Variants in CNTNAP2 observed in about 807,000 individuals in gnomAD.
CNTNAP2 encodes contactin associated protein 2.
Under a neutral mutation model 155.2 loss-of-function variants are expected in CNTNAP2, and 98 were observed. The ratio of observed to expected loss-of-function variants is 0.63; its 90% CI spans 0.54 to 0.75. The LOEUF (loss-of-function observed/expected upper bound fraction) is 0.75. Ranked by LOEUF, CNTNAP2 falls within the 30% of genes least tolerant of loss-of-function variation. The probability of loss-of-function intolerance (pLI) is 0.00; values close to 1 mark genes in which losing one functional copy is unlikely to be tolerated. For synonymous variants in CNTNAP2, 651 were observed against 631.2 expected (o/e 1.03, Z -0.47); for missense variants, 1,727 against 1,688.1 (o/e 1.02, Z -0.40).
At chr7:146,919,947 C>CTTCCTCCTATCTGCCAATT (rs905557473) in intron 3 of CNTNAP2, among the ~76,000 whole-genome samples, 2 of 152,186 alleles carry the variant, frequency 1.3e-5, no homozygotes, top group African/African-American at 4.8e-5. Context: ...CAAGTTGGTC[C>CTTCCTCCTATCTGCCAATT]TTCCTCCTAT....
At chr7:147,267,961 G>C (rs1049827154) in intron 8 of CNTNAP2, among the ~76,000 whole-genome samples, 1 of 152,136 alleles carries the variant, frequency 6.6e-6, no homozygotes, top group Non-Finnish European at 1.5e-5. Context: ...AATGGTGTTT[G>C]TGGTTGTGGT....
chr7:147,914,432 C>A (rs541180398), intron 14 of CNTNAP2, among the ~76,000 whole-genome samples: 3 of 150,142 alleles, frequency 2.0e-5, no homozygotes, highest in African/African-American at 4.9e-5. Context: ...CCCAGCCACT[C>A]GGGAGGCTGA....
intron 9 of CNTNAP2, among the ~76,000 whole-genome samples, chr7:147,351,233 AG>A (rs1260887871): frequency 6.6e-6 from 1 of 151,822 alleles, no homozygotes; most frequent in Non-Finnish European, 1.5e-5. Flanking sequence ...TTATGATTTG[AG>A]TGCTAGATTA....
rs145602522 is a variant in CNTNAP2 at position 147,009,840 on chromosome 7, C to T, written c.403-34067C>T. Reference sequence around the variant, plus strand: ...ATGTTTCAACAAAATCAGTCAGATTCTTTAGAAGCTACACAGTTTTCACAG... The same window carrying T: ...ATGTTTCAACAAAATCAGTCAGATTTTTTAGAAGCTACACAGTTTTCACAG... On this transcript the variant is annotated intron_variant, in intron 3 of 23. Transcript: ENST00000361727. Among the ~76,000 whole-genome samples, 545 of 152,034 alleles carry T rather than the reference C, an allele frequency of 3.6e-3. 9 individuals carry two copies. Among genetic ancestry groups the T allele is most frequent in the African/African-American group, 0.012 (511 of 41,488 alleles).
intron 21 of CNTNAP2, among the ~76,000 whole-genome samples, chr7:148,368,025 C>A (rs938181892): frequency 6.6e-6 from 1 of 152,148 alleles, no homozygotes; most frequent in Non-Finnish European, 1.5e-5. Flanking sequence ...TCAGATAGAG[C>A]CCCTCATCTT....
chr7:148,307,900 G>C (rs1797517283), intron 21 of CNTNAP2, among the ~76,000 whole-genome samples: 1 of 152,148 alleles, frequency 6.6e-6, no homozygotes, highest in Non-Finnish European at 1.5e-5. Flanking sequence ...TTGAGCCTGG[G>C]AGATGGAGGT....
intron 14 of CNTNAP2, among the ~76,000 whole-genome samples, chr7:147,925,650 T>A (rs2708251): frequency 0.66 from 100,845 of 151,816 alleles, 34,902 homozygotes; most frequent in African/African-American, 0.84. Flanking sequence ...TTTAGTAGAG[T>A]TGGGGTTTCA....
intron 8 of CNTNAP2, among the ~76,000 whole-genome samples, chr7:147,172,398 T>C (rs1352920105): frequency 6.6e-6 from 1 of 152,204 alleles, no homozygotes; most frequent in Non-Finnish European, 1.5e-5. Context: ...TAATGCATTA[T>C]GCATTCTCTT....
At chr7:147,865,343 A>G (rs34262158) in intron 13 of CNTNAP2, among the ~76,000 whole-genome samples, 90,016 of 151,622 alleles carry the variant, frequency 0.59, 26,962 homozygotes, top group South Asian at 0.7. Flanking sequence ...ATTTTATTGA[A>G]GATTTCCCCA....
At chr7:148,242,632 A>G (rs140473136) in intron 20 of CNTNAP2, among the ~76,000 whole-genome samples, 318 of 152,358 alleles carry the variant, frequency 2.1e-3, no homozygotes, top group African/African-American at 6.9e-3. Context: ...TTACTTATAG[A>G]AATGGAAGCT....
chr7:147,442,340 G>A (rs1797656339), intron 10 of CNTNAP2, among the ~76,000 whole-genome samples: 1 of 152,126 alleles, frequency 6.6e-6, no homozygotes, highest in African/African-American at 2.4e-5. Context: ...TTCCATTGAG[G>A]TCCAAGGACT....
At chr7:146,371,644 T>C (rs968148504) in intron 1 of CNTNAP2, among the ~76,000 whole-genome samples, 1 of 151,944 alleles carries the variant, frequency 6.6e-6, no homozygotes, top group African/African-American at 2.4e-5. Flanking sequence ...TATTAGTTCT[T>C]TTGTGTCATT....
chr7:146,581,520 T>C (rs764421221), intron 1 of CNTNAP2, among the ~76,000 whole-genome samples: 1 of 152,014 alleles, frequency 6.6e-6, no homozygotes, highest in Non-Finnish European at 1.5e-5. Context: ...AAGTGACCTA[T>C]GCTGAGAGAA....
intron 13 of CNTNAP2, among the ~76,000 whole-genome samples, chr7:147,756,363 C>G (rs1305668794): frequency 6.6e-6 from 1 of 152,100 alleles, no homozygotes; most frequent in African/African-American, 2.4e-5. Context: ...TGTAGTTACT[C>G]TTTGGTATTT....
chr7:147,770,337 G>C (rs554785622), intron 13 of CNTNAP2, among the ~76,000 whole-genome samples: 9 of 152,234 alleles, frequency 5.9e-5, no homozygotes, highest in Admixed American at 3.3e-4. Flanking sequence ...TGCACCATAG[G>C]TTTCCCTCTA....
intron 8 of CNTNAP2, among the ~76,000 whole-genome samples, chr7:147,229,930 A>G (rs1386173640): frequency 2.6e-5 from 4 of 152,208 alleles, no homozygotes; most frequent in Non-Finnish European, 2.9e-5. Context: ...TATTAAATAT[A>G]AATTCTGCTA....
intron 1 of CNTNAP2, among the ~76,000 whole-genome samples, chr7:146,539,574 G>T (rs1797920523): frequency 6.6e-6 from 1 of 151,966 alleles, no homozygotes; most frequent in Non-Finnish European, 1.5e-5. Context: ...AGGTGGGAAA[G>T]AAAACAGGAC....
intron 12 of CNTNAP2, among the ~76,000 whole-genome samples, chr7:147,604,373 A>C (rs1428454679): frequency 6.6e-6 from 1 of 152,192 alleles, no homozygotes; most frequent in East Asian, 1.9e-4. Context: ...AAACAAATTT[A>C]CAAGAAAAAA....
chr7:148,160,276 A>G (rs991619734), intron 17 of CNTNAP2, among the ~76,000 whole-genome samples: 1 of 151,450 alleles, frequency 6.6e-6, no homozygotes, highest in Non-Finnish European at 1.5e-5. Flanking sequence ...GCCAGGCATA[A>G]TGATGTGCGC....
Sources: gnomAD v4.1 joint callset for allele counts (sites outside exome capture counted in the v4.1 genomes callset) on GRCh38, gnomAD v4.1.1 for gene constraint, MANE v1.5 for transcripts, NCBI Gene and HGNC (gene_info 2026-07-23, HGNC 2026-07-21) for gene names.